Variants in FAT3 observed in about 807,000 individuals in gnomAD.
FAT3 encodes the protein FAT atypical cadherin 3, also known as protocadherin Fat 3.
Under a neutral mutation model 310.2 loss-of-function variants are expected in FAT3, and 95 were observed. The ratio of observed to expected loss-of-function variants is 0.31; its 90% confidence interval spans 0.26 to 0.36. FAT3 has a LOEUF of 0.36. Among genes scored for constraint, FAT3 ranks in the 10% least tolerant of loss-of-function variants. The pLI is 1.00. For synonymous variants in FAT3, 2,314 were observed against 2,192.9 expected, an observed-to-expected ratio of 1.06 and a Z score of -1.54; for missense variants, 5,408 against 5,715.6, an observed-to-expected ratio of 0.95 and a Z score of 1.74.
intron 1 of FAT3, among the ~76,000 whole-genome samples, chr11:92,244,950 A>G (rs1278015982): frequency 2.6e-5 from 4 of 152,102 alleles, no homozygotes; most frequent in African/African-American, 9.7e-5. Context: ...TCAAGGATCT[A>G]GAACTAGAAA....
In FAT3 at chr11:92,353,595, T is replaced by G; in HGVS notation, c.1483T>G (p.Ser495Ala). The G allele has an allele frequency of 6.2e-7, 1 of 1,613,856 alleles. No individual in the cohort carries two copies. The highest frequency in any genetic ancestry group is 1.1e-5 in the South Asian group (1 of 91,080). Residue 495 changes from serine to alanine, a missense_variant, in exon 2 of 28, where the codon TCA becomes GCA. Physicochemically the swap from Ser to Ala is moderately conservative, Grantham distance 99. Around this residue, in one of 5 missense-constraint regions of FAT3, gnomAD observed 4,588 missense variants for 4,809.8 expected, o/e 0.95. Coordinates refer to ENST00000525166, the MANE Select transcript of FAT3 (RefSeq NM_001367949.2). ...AGTGGGAACCAGCGTTCTAACAGTT[T>G]CAGCTTCTGATAAGGATAAAGGAGA... ...VPVGTSVLTVSASDKDKGENG... is the reference protein window; with the variant it reads ...VPVGTSVLTVAASDKDKGENG...
chr11:92,232,070 A>G (rs1038631370), intron 1 of FAT3, among the ~76,000 whole-genome samples: 1 of 152,138 alleles, frequency 6.6e-6, no homozygotes, highest in Non-Finnish European at 1.5e-5. Context: ...TTGGGTGAGC[A>G]GTGTGTTATG....
chr11:92,358,558 AT>A (rs572990733), intron 2 of FAT3, among the ~76,000 whole-genome samples: 2 of 151,828 alleles, frequency 1.3e-5, no homozygotes, highest in Non-Finnish European at 2.9e-5. Flanking sequence ...GCTTGTTGAG[AT>A]TTTTTTTAAG....
At chr11:92,293,013 A>AAAGGAAGGAAGGAAGGAAGG (rs71477581) in intron 1 of FAT3, among the ~76,000 whole-genome samples, 1 of 110,372 alleles carries the variant, frequency 9.1e-6, no homozygotes, top group Non-Finnish European at 1.8e-5. Flanking sequence ...GAGACTCTGC[A>AAAGGAAGGAAGGAAGGAAGG]AAGGAAGGAA....
At chr11:92,453,405 C>T (rs967814134) in intron 2 of FAT3, among the ~76,000 whole-genome samples, 1 of 152,054 alleles carries the variant, frequency 6.6e-6, no homozygotes, top group Admixed American at 6.6e-5. Flanking sequence ...GTCAGCTTTC[C>T]AAGTTCTTTG....
chr11:92,801,465 A>G lies in FAT3; in HGVS notation c.8452A>G (p.Ser2818Gly). 6.2e-7 allele frequency: 1 copy of G among 1,613,766 alleles called. No homozygotes were observed. Among genetic ancestry groups the G allele is most frequent in the Non-Finnish European group, 8.5e-7 (1 of 1,179,802 alleles). The change falls in exon 10 of 28, where the codon AGC (serine) becomes GGC (glycine). Residue 2818 changes from serine (S) to glycine (G), a missense_variant. Around this residue, in one of 5 missense-constraint regions of FAT3, gnomAD observed 4,588 missense variants for 4,809.8 expected, o/e 0.95. Coordinates refer to ENST00000525166, the MANE Select transcript of FAT3 (RefSeq NM_001367949.2). Reference sequence around the variant, plus strand: ...CAACAAGCCAGTCTTTGAAACTTCAAGCTATGACACCATTATAATGGAAGG... The same window carrying G: ...CAACAAGCCAGTCTTTGAAACTTCAGGCTATGACACCATTATAATGGAAGG... ...NDNKPVFETS[S>G]YDTIIMEGMP...
intron 3 of FAT3, among the ~76,000 whole-genome samples, chr11:92,537,181 A>G (rs766490765): frequency 6.6e-6 from 1 of 152,104 alleles, no homozygotes; most frequent in African/African-American, 2.4e-5. Context: ...GCGAAATGAC[A>G]TTTATTTGCC....
intron 3 of FAT3, among the ~76,000 whole-genome samples, chr11:92,571,845 T>A (rs1217279182): frequency 6.6e-6 from 1 of 152,222 alleles, no homozygotes; most frequent in African/African-American, 2.4e-5. Context: ...CTTTACTCAC[T>A]ATCCCGTTTT....
At chr11:92,664,657 A>AC (rs921592020) in intron 3 of FAT3, among the ~76,000 whole-genome samples, 10 of 152,188 alleles carry the variant, frequency 6.6e-5, no homozygotes, top group African/African-American at 2.2e-4. Flanking sequence ...AAAAATAATT[A>AC]CCAGTGTAGC....
At chr11:92,595,784 A>G (rs891071880) in intron 3 of FAT3, among the ~76,000 whole-genome samples, 4 of 152,322 alleles carry the variant, frequency 2.6e-5, no homozygotes, top group Admixed American at 2.6e-4. Context: ...TCACCTTCAC[A>G]ACTGACACCT....
chr11:92,765,624 C>A (rs1946285806), intron 6 of FAT3, among the ~76,000 whole-genome samples: 1 of 151,946 alleles, frequency 6.6e-6, no homozygotes, highest in Non-Finnish European at 1.5e-5. Context: ...TCCAATCTGC[C>A]TTTTACGGTT....
intron 2 of FAT3, among the ~76,000 whole-genome samples, chr11:92,467,609 GT>G (rs1185983402): frequency 6.6e-6 from 1 of 152,024 alleles, no homozygotes; most frequent in Non-Finnish European, 1.5e-5. Context: ...TCACAATTTT[GT>G]TTCTTGGTGT....
intron 2 of FAT3, among the ~76,000 whole-genome samples, chr11:92,421,822 C>T (rs1040166433): frequency 6.6e-6 from 1 of 152,156 alleles, no homozygotes; most frequent in African/African-American, 2.4e-5. Flanking sequence ...TGGGCTCAGC[C>T]CCAGGTAGAG....
intron 3 of FAT3, among the ~76,000 whole-genome samples, chr11:92,695,139 A>G (rs1943901397): frequency 6.6e-6 from 1 of 152,176 alleles, no homozygotes; most frequent in Non-Finnish European, 1.5e-5. Context: ...ATGCTAGAGC[A>G]GCTCAGTGTA....
intron 4 of FAT3, among the ~76,000 whole-genome samples, chr11:92,724,323 C>A (rs1944938785): frequency 6.6e-6 from 1 of 152,128 alleles, no homozygotes; most frequent in South Asian, 2.1e-4. Flanking sequence ...GCAAGAGCAG[C>A]AACTATAAAA....
At chr11:92,645,473 G>C (rs966593040) in intron 3 of FAT3, among the ~76,000 whole-genome samples, 2 of 141,298 alleles carry the variant, frequency 1.4e-5, no homozygotes, top group African/African-American at 5.4e-5. Flanking sequence ...CAAAGGCAAA[G>C]AAGACACTGC....
At chr11:92,641,036 A>T (rs1941943492) in intron 3 of FAT3, among the ~76,000 whole-genome samples, 1 of 152,170 alleles carries the variant, frequency 6.6e-6, no homozygotes, top group African/African-American at 2.4e-5. Context: ...GTCTCAACAA[A>T]ACATACAGAA....
intron 4 of FAT3, among the ~76,000 whole-genome samples, chr11:92,726,445 T>C (rs1483323259): frequency 6.6e-6 from 1 of 152,182 alleles, no homozygotes; most frequent in Non-Finnish European, 1.5e-5. Flanking sequence ...ACTGGTGAAA[T>C]TGTGGTTACG....
At chr11:92,698,602 TATTATCATCATCATACAATACTATG>T (rs1457361746) in intron 4 of FAT3, among the ~76,000 whole-genome samples, 6 of 152,156 alleles carry the variant, frequency 3.9e-5, no homozygotes, top group Non-Finnish European at 4.4e-5. Flanking sequence ...TTATTATTAT[TATTATCATCATCATACAATACTATG>T]ATAATCCTTT....
Sources: gnomAD v4.1 joint callset for allele counts (sites outside exome capture counted in the v4.1 genomes callset) on GRCh38, gnomAD v4.1.1 for gene constraint, gnomAD v4.1.1 regional missense constraint, MANE v1.5 for transcripts, NCBI Gene and HGNC (gene_info 2026-07-23, HGNC 2026-07-21) for gene names.